TFEC: variants seen among roughly 807,000 people sequenced by gnomAD.
TFEC encodes class E basic helix-loop-helix protein 34.
In TFEC, 31 loss-of-function variants were observed where a neutral mutation model predicts 41.6. That is an observed-to-expected ratio of 0.74 (90% CI 0.56 to 1.01). TFEC has a LOEUF of 1.01. TFEC is among the 50% of genes least tolerant of loss of function. The pLI, the probability that TFEC is intolerant of heterozygous loss-of-function variation, is 0.00. For synonymous variants in TFEC, 143 were observed against 140.6 expected (o/e 1.02, Z -0.12); for missense variants, 402 against 404.1 (o/e 0.99, Z 0.04).
At chr7:115,995,199 G>C (rs937608486) in intron 1 of TFEC, among the ~76,000 whole-genome samples, 2 of 145,850 alleles carry the variant, frequency 1.4e-5, no homozygotes, top group African/African-American at 5.1e-5. Context: ...GCCTGTCATG[G>C]GGTGGGGAGG....
At chr7:115,971,306 T>C (rs1221893990) in intron 3 of TFEC, among the ~76,000 whole-genome samples, 1 of 152,006 alleles carries the variant, frequency 6.6e-6, no homozygotes, top group Non-Finnish European at 1.5e-5. Flanking sequence ...TAACTGAATG[T>C]TTCCATTAGG....
At chr7:115,998,802 C>A (rs982539361) in intron 1 of TFEC, among the ~76,000 whole-genome samples, 1 of 151,878 alleles carries the variant, frequency 6.6e-6, no homozygotes, top group East Asian at 1.9e-4. Context: ...TATATATGTG[C>A]CCCAAAACTG....
intron 1 of TFEC, among the ~76,000 whole-genome samples, chr7:116,134,649 T>C (rs1015030794): frequency 6.6e-6 from 1 of 152,182 alleles, no homozygotes; most frequent in Admixed American, 6.5e-5. Flanking sequence ...AGCATTGCTA[T>C]ACGAAAAATT....
At chr7:116,114,892 C>A (rs1251614076) in intron 1 of TFEC, among the ~76,000 whole-genome samples, 1 of 151,720 alleles carries the variant, frequency 6.6e-6, no homozygotes, top group Non-Finnish European at 1.5e-5. Context: ...AGGAAACCCC[C>A]CTCCCCGCCA....
chr7:116,069,467 AG>A (rs1796774468), intron 3 of TFEC, among the ~76,000 whole-genome samples: 1 of 151,656 alleles, frequency 6.6e-6, no homozygotes, highest in Non-Finnish European at 1.5e-5. Context: ...GAAGAGGAAA[AG>A]TTCAAAGAAT....
intron 1 of TFEC, among the ~76,000 whole-genome samples, chr7:116,137,191 C>T (rs539498622): frequency 6.6e-6 from 1 of 151,984 alleles, no homozygotes; most frequent in Non-Finnish European, 1.5e-5. Context: ...TGATCTTTTC[C>T]CCCAAGGTAA....
intron 2 of TFEC, among the ~76,000 whole-genome samples, chr7:115,980,089 A>G (rs1478171991): frequency 4.6e-5 from 7 of 152,184 alleles, no homozygotes; most frequent in African/African-American, 1.7e-4. Flanking sequence ...CTTTCTTACT[A>G]ATGTTTTTGA....
intron 1 of TFEC, among the ~76,000 whole-genome samples, chr7:116,112,508 T>C (rs915735086): frequency 1.3e-5 from 2 of 151,966 alleles, no homozygotes; most frequent in African/African-American, 4.8e-5. Flanking sequence ...AAATTATTAA[T>C]TGGTTGTTTG....
At chr7:116,044,186 G>A (rs914077631) in intron 3 of TFEC, among the ~76,000 whole-genome samples, 43 of 152,290 alleles carry the variant, frequency 2.8e-4, no homozygotes, top group African/African-American at 1.0e-3. Context: ...CTTGCCCTAA[G>A]AAAGGCAGGA....
rs954999397 is a variant in TFEC, at chr7:115,935,984, A to T, written c.*4567T>A. On this transcript the variant is annotated 3_prime_UTR_variant, in exon 8 of 8. Coordinates refer to ENST00000265440, the MANE Select transcript of TFEC (RefSeq NM_012252.4). ...AAGTTGGTTGAATCCTGGGAGATAT[A>T]TTTTTTAATCAAAATAGCTGTTTTC... The T allele has an allele frequency of 2.0e-5, 3 of 151,558 alleles. No individual in the cohort carries two copies. Among genetic ancestry groups the T allele is most frequent in the Admixed American group, 1.3e-4 (2 of 15,194 alleles). 9.4% of individuals were successfully genotyped at this position (151,558 alleles called of 1,614,324 possible).
intron 1 of TFEC, among the ~76,000 whole-genome samples, chr7:116,006,762 G>T (rs1794807262): frequency 6.6e-6 from 1 of 152,154 alleles, no homozygotes; most frequent in Non-Finnish European, 1.5e-5. Flanking sequence ...TGATTTGGCT[G>T]TGTCCCCACC....
Position 115,938,319 on chromosome 7 carries a change from A to T in TFEC, c.*2232T>A, listed in dbSNP as rs980918947. The stretch of plus-strand genomic sequence containing the variant: ...AGTGGTGTGTTTTCTATGAACTCCA[A>T]AATATATTCCTTATCTATAATTTTT... On this transcript the variant is annotated 3_prime_UTR_variant, in exon 8 of 8. Transcript: ENST00000265440. 6.6e-6 allele frequency: 1 copy of T among 151,994 alleles called. No homozygotes were observed. Among genetic ancestry groups the T allele is most frequent in the South Asian group, 2.1e-4 (1 of 4,832 alleles). The allele number at this position is 151,994 out of a possible 1,614,324, so 9.4% of individuals were successfully genotyped here.
intron 1 of TFEC, among the ~76,000 whole-genome samples, chr7:116,134,720 C>G (rs958233192): frequency 6.6e-6 from 1 of 152,042 alleles, no homozygotes; most frequent in Non-Finnish European, 1.5e-5. Context: ...AATACTTTCT[C>G]TAATTATACA....
intron 2 of TFEC, among the ~76,000 whole-genome samples, chr7:115,978,375 G>T (rs1793479020): frequency 6.6e-6 from 1 of 152,092 alleles, no homozygotes; most frequent in African/African-American, 2.4e-5. Flanking sequence ...ATCAACACTT[G>T]CAGTTGAATA....
chr7:116,118,331 C>A (rs934455220), intron 1 of TFEC, among the ~76,000 whole-genome samples: 4 of 151,884 alleles, frequency 2.6e-5, no homozygotes, highest in Non-Finnish European at 4.4e-5. Context: ...TTCGGACCTG[C>A]AAAATGTTTG....
chr7:115,974,450 A>ATATATATATATATATATATAT (rs1491505885), intron 2 of TFEC, among the ~76,000 whole-genome samples, 194 bp from the exon 3 acceptor site: 6 of 28,098 alleles, frequency 2.1e-4, no homozygotes, highest in Non-Finnish European at 3.4e-4. Flanking sequence ...ATATATATAT[A>ATATATATATATATATATATAT]AAAACACAGA....
intron 2 of TFEC, chr7:116,111,962 T>A (rs1026514586): frequency 2.9e-5 from 28 of 981,298 alleles, no homozygotes; most frequent in Middle Eastern, 5.7e-4. Context: ...GAGACAAGTC[T>A]ATGCAACACT....
At chr7:116,094,131 G>A (rs1023329032) in intron 3 of TFEC, among the ~76,000 whole-genome samples, 3 of 152,154 alleles carry the variant, frequency 2.0e-5, no homozygotes, top group Non-Finnish European at 2.9e-5. Context: ...AATACATTAA[G>A]GAGGGAGAAA....
intron 1 of TFEC, among the ~76,000 whole-genome samples, chr7:116,011,725 G>C (rs925034670): frequency 6.6e-6 from 1 of 152,130 alleles, no homozygotes; most frequent in Non-Finnish European, 1.5e-5. Flanking sequence ...AGGACCTAGT[G>C]GGAGGTGTTT....
Sources: allele counts gnomAD v4.1 joint callset (sites outside exome capture counted in the v4.1 genomes callset), GRCh38; gene constraint gnomAD v4.1.1; transcripts MANE v1.5; gene names NCBI Gene and HGNC (gene_info 2026-07-23, HGNC 2026-07-21).